PCDHGA2: variants seen among roughly 807,000 people sequenced by gnomAD.
The protein encoded by PCDHGA2 is protocadherin gamma-A2.
In PCDHGA2, 40 loss-of-function variants were observed where a neutral mutation model predicts 59.2. The ratio of observed to expected loss-of-function variants is 0.68; its 90% CI spans 0.52 to 0.88. The LOEUF is 0.88. Ranked by LOEUF, PCDHGA2 falls within the 40% of genes least tolerant of loss-of-function variation. The probability of loss-of-function intolerance (pLI) is 0.00; values close to 1 mark genes in which losing one functional copy is unlikely to be tolerated. For missense variants in PCDHGA2, 1,226 were observed against 1,204.0 expected (o/e 1.02, Z -0.27); for synonymous variants, 560 against 526.0 (o/e 1.06, Z -0.89).
chr5:141,454,865 TG>T (rs2098805228), intron 1 of PCDHGA2, among the ~76,000 whole-genome samples: 1 of 135,344 alleles, frequency 7.4e-6, no homozygotes, highest in Non-Finnish European at 1.5e-5. Flanking sequence ...TGGAGTGCAG[TG>T]GCACGATCTT....
At chr5:141,441,554 G>T (rs3805698) in intron 1 of PCDHGA2, 21,236 of 192,824 alleles carry the variant, frequency 0.11, 1,386 homozygotes, top group African/African-American at 0.18. Flanking sequence ...TCCATAGTGT[G>T]CAAGTAGACA....
chr5:141,456,703 G>A (rs528071544), intron 1 of PCDHGA2, among the ~76,000 whole-genome samples: 37 of 152,180 alleles, frequency 2.4e-4, no homozygotes, highest in Non-Finnish European at 4.9e-4. Context: ...GGTGGCTCGC[G>A]CCTGTAATCC....
intron 1 of PCDHGA2, among the ~76,000 whole-genome samples, chr5:141,456,483 CTTAATA>C (rs2098861684): frequency 1.3e-5 from 2 of 152,072 alleles, no homozygotes; most frequent in African/African-American, 4.8e-5. Context: ...CAAGAGAGTG[CTTAATA>C]AAGGGGTTAA....
At chr5:141,408,375 T>A in intron 1 of PCDHGA2, 1 of 1,613,972 alleles carries the variant, frequency 6.2e-7, no homozygotes, top group Non-Finnish European at 8.5e-7. Context: ...GGGCTCAGTG[T>A]CCTGGATGTG....
At chr5:141,470,723 G>T (rs1326927605) in intron 1 of PCDHGA2, among the ~76,000 whole-genome samples, 1 of 151,852 alleles carries the variant, frequency 6.6e-6, no homozygotes, top group East Asian at 1.9e-4. Flanking sequence ...TTTGAGTCAG[G>T]GTCTTGCTCT....
chr5:141,344,106 G>A lies in PCDHGA2; in HGVS notation c.2424+2711G>A, dbSNP rs778709344. 3.3e-5 allele frequency: 54 copies of A among 1,613,840 alleles called. No homozygotes were observed. The East Asian group carries it at 1.1e-3, about 33-fold the overall frequency. On this transcript the variant is annotated intron_variant, in intron 1 of 3. Coordinates refer to ENST00000394576, the MANE Select transcript of PCDHGA2 (RefSeq NM_018915.4). ...GTGCGCGCTCCTGGGGACGCTGTGC[G>A]AAACAGGATCCGGTCAGATCCGCTA...
chr5:141,400,099 T>G (rs574278907), intron 1 of PCDHGA2: 1 of 1,614,072 alleles, frequency 6.2e-7, no homozygotes, highest in African/African-American at 1.3e-5. Flanking sequence ...CACGCTGCAC[T>G]TGGTCTTTGC....
At position 141,360,035 on chromosome 5, in the gene PCDHGA2, G is replaced by A. The variant is rs78319344; in HGVS notation, c.2424+18640G>A. The A allele has an allele frequency of 1.7e-3, 2,428 of 1,406,266 alleles. 36 individuals carry two copies. In the African/African-American group the frequency reaches 0.032, roughly 18 times the overall value. The allele number at this position is 1,406,266 out of a possible 1,614,324, so 87.1% of individuals were successfully genotyped here. On this transcript the variant is annotated intron_variant, in intron 1 of 3. Transcript: ENST00000394576. ...CACAGAGAAGGCCAGTATAGATTCGGAAACAGAAAACAAAAGCAGGAAAAG... is the reference window on the plus strand; with the variant it reads ...CACAGAGAAGGCCAGTATAGATTCGAAAACAGAAAACAAAAGCAGGAAAAG...
intron 1 of PCDHGA2, chr5:141,352,470 C>A (rs1356283636): frequency 6.2e-7 from 1 of 1,614,016 alleles, no homozygotes; most frequent in East Asian, 2.2e-5. Flanking sequence ...GGGGTTCCTC[C>A]CAACCACAGC....
intron 1 of PCDHGA2, chr5:141,383,586 G>A (rs1483422462): frequency 6.2e-7 from 1 of 1,613,654 alleles, no homozygotes; most frequent in Admixed American, 1.7e-5. Flanking sequence ...CCCACATCCA[G>A]GTGACAGTGG....
chr5:141,469,354 A>G (rs1160934469), intron 1 of PCDHGA2, among the ~76,000 whole-genome samples: 1 of 152,128 alleles, frequency 6.6e-6, no homozygotes, highest in Non-Finnish European at 1.5e-5. Flanking sequence ...AGGTGGATGG[A>G]TCATGAGGTA....
At chr5:141,500,188 ATT>A (rs2099797463) in intron 2 of PCDHGA2, among the ~76,000 whole-genome samples, 1 of 98,146 alleles carries the variant, frequency 1.0e-5, no homozygotes, top group African/African-American at 5.1e-5. Flanking sequence ...TTTTATTTTT[ATT>A]TATTTATTTA....
intron 1 of PCDHGA2, chr5:141,362,326 C>T: frequency 6.2e-7 from 1 of 1,614,070 alleles, no homozygotes; most frequent in African/African-American, 1.3e-5. Flanking sequence ...TCAGCCTGGT[C>T]TCAGCTCCAA....
chr5:141,432,049 G>T lies in PCDHGA2; in HGVS notation c.2425-62758G>T. The T allele has an allele frequency of 7.4e-6, 12 of 1,614,150 alleles. No individual in the cohort carries two copies. Among genetic ancestry groups the T allele is most frequent in the Non-Finnish European group, 1.0e-5 (12 of 1,180,028 alleles). Reference sequence around the variant, plus strand: ...TGACCGCCACTGACCGGGGAACCCCGCCCCTATCCACGGAAACTCATATCT... The same window carrying T: ...TGACCGCCACTGACCGGGGAACCCCTCCCCTATCCACGGAAACTCATATCT... On this transcript the variant is annotated intron_variant, in intron 1 of 3. Coordinates refer to ENST00000394576, the MANE Select transcript of PCDHGA2 (RefSeq NM_018915.4). The surrounding 1 kb of genome is among the most constrained non-coding windows in gnomAD (Gnocchi z 6.0).
chr5:141,470,452 G>A (rs981528762), intron 1 of PCDHGA2, among the ~76,000 whole-genome samples: 1 of 152,130 alleles, frequency 6.6e-6, no homozygotes, highest in Admixed American at 6.5e-5. Flanking sequence ...ATAGCATCTT[G>A]AATAGGATTT....
rs201394036 is a variant in PCDHGA2 at position 141,385,181 on chromosome 5, C to A, written c.2424+43786C>A. On this transcript the variant is annotated intron_variant, in intron 1 of 3. Coordinates refer to ENST00000394576, the MANE Select transcript of PCDHGA2 (RefSeq NM_018915.4). ...TATTCCCATGAGGTCTCCCTCACCGCGGACTCTCGGAAGAGTCACCTGATC... is the reference window on the plus strand; with the variant it reads ...TATTCCCATGAGGTCTCCCTCACCGAGGACTCTCGGAAGAGTCACCTGATC... 2.3e-4 allele frequency: 371 copies of A among 1,614,202 alleles called. 1 individual carries two copies. The highest frequency in any genetic ancestry group is 2.9e-4 in the Non-Finnish European group (346 of 1,180,040).
Position 141,376,680 on chromosome 5 carries a change from T to TTTTTTTTTGTTTTG in PCDHGA2, c.2424+35293_2424+35294insGTTTTGTTTTTTTT, listed in dbSNP as rs1431701982. ...CCTTGTTCAGGTGAGGGTATCGTTT[T>TTTTTTTTTGTTTTG]TTTTTTTTTTTTTTTTTGAGACGGA... On this transcript the variant is annotated intron_variant, in intron 1 of 3. Transcript: ENST00000394576. The TTTTTTTTTGTTTTG allele has an allele frequency of 6.0e-6, 4 of 666,834 alleles. No individual in the cohort carries two copies. In the African/African-American group the frequency reaches 8.2e-5, roughly 14 times the overall value. The allele number at this position is 666,834 out of a possible 1,614,324, so 41.3% of individuals were successfully genotyped here.
intron 1 of PCDHGA2, chr5:141,382,795 T>A: frequency 1.0e-6 from 1 of 982,614 alleles, no homozygotes; most frequent in Non-Finnish European, 1.5e-6. Context: ...TCTATCCTGC[T>A]GGATTCTGAG....
chr5:141,388,356 C>A (rs756910714), intron 1 of PCDHGA2: 2 of 1,613,944 alleles, frequency 1.2e-6, no homozygotes, highest in Non-Finnish European at 1.7e-6. Flanking sequence ...AGGATCTGCC[C>A]ATGATGCGGA....
Sources: gnomAD v4.1 joint callset for allele counts (sites outside exome capture counted in the v4.1 genomes callset) on GRCh38, gnomAD v4.1.1 for gene constraint, Gnocchi (gnomAD v3.1) non-coding constraint, MANE v1.5 for transcripts, NCBI Gene and HGNC (gene_info 2026-07-23, HGNC 2026-07-21) for gene names.